CDK14: variants seen among roughly 807,000 people sequenced by gnomAD.
CDK14 encodes the protein cyclin dependent kinase 14.
A neutral mutation model predicts 60.7 loss-of-function variants in CDK14; 34 were observed. The ratio of observed to expected loss-of-function variants is 0.56; its 90% CI spans 0.43 to 0.75. CDK14 has a LOEUF of 0.75. CDK14 is among the 30% of genes least tolerant of loss of function. CDK14 has a pLI of 0.00. For synonymous variants in CDK14, 197 were observed against 203.7 expected (o/e 0.97, Z 0.28); for missense variants, 482 against 564.1 (o/e 0.85, Z 1.47).
intron 2 of CDK14, among the ~76,000 whole-genome samples, chr7:90,699,585 G>A (rs1341180244): frequency 6.6e-6 from 1 of 152,172 alleles, no homozygotes; most frequent in Non-Finnish European, 1.5e-5. Flanking sequence ...GTGCCCCAGT[G>A]CACCTGTTTA....
At chr7:91,187,783 T>C (rs1584191679) in intron 14 of CDK14, among the ~76,000 whole-genome samples, 1 of 152,312 alleles carries the variant, frequency 6.6e-6, no homozygotes, top group East Asian at 1.9e-4. Flanking sequence ...GGTCCACAGA[T>C]TGGTTCGACC....
intron 8 of CDK14, 77 bp from the exon 9 acceptor site, chr7:90,955,620 A>C (rs933623066): frequency 1.3e-6 from 2 of 1,546,082 alleles, no homozygotes; most frequent in African/African-American, 2.7e-5. Flanking sequence ...GACCTTTAAG[A>C]ATGTGAACGT....
chr7:91,112,853 G>GGAGAGAGA (rs56973703), intron 13 of CDK14, among the ~76,000 whole-genome samples, 172 bp downstream of exon 13: 5 of 148,566 alleles, frequency 3.4e-5, no homozygotes, highest in East Asian at 2.0e-4. Context: ...GTGTATGTGT[G>GGAGAGAGA]GAGAGAGAGA....
intron 14 of CDK14, among the ~76,000 whole-genome samples, chr7:91,125,120 G>A (rs940481588): frequency 5.9e-5 from 9 of 152,076 alleles, no homozygotes; most frequent in African/African-American, 1.7e-4. Context: ...TGACAATGTC[G>A]AGAAGGAAAG....
chr7:90,731,712 G>T (rs1051039563), intron 3 of CDK14, among the ~76,000 whole-genome samples: 1 of 152,306 alleles, frequency 6.6e-6, no homozygotes, highest in African/African-American at 2.4e-5. Flanking sequence ...CTTTGTTGAA[G>T]TTGCTTATCA....
At chr7:90,890,181 C>A (rs1031363965) in intron 6 of CDK14, among the ~76,000 whole-genome samples, 1 of 152,138 alleles carries the variant, frequency 6.6e-6, no homozygotes, top group Non-Finnish European at 1.5e-5. Context: ...GAGACTAGCC[C>A]GGACAACATA....
At chr7:90,887,249 T>C (rs1376400555) in intron 6 of CDK14, among the ~76,000 whole-genome samples, 1 of 152,194 alleles carries the variant, frequency 6.6e-6, no homozygotes, top group Non-Finnish European at 1.5e-5. Flanking sequence ...AAAAATAATG[T>C]TGGTGTGATC....
chr7:91,094,206 T>G (rs1798913606), intron 12 of CDK14, among the ~76,000 whole-genome samples: 1 of 152,120 alleles, frequency 6.6e-6, no homozygotes, highest in South Asian at 2.1e-4. Context: ...AAATAAAAAT[T>G]ATGAGACCTT....
At chr7:90,782,481 T>C (rs1203120372) in intron 4 of CDK14, among the ~76,000 whole-genome samples, 1 of 152,164 alleles carries the variant, frequency 6.6e-6, no homozygotes, top group Non-Finnish European at 1.5e-5. Context: ...AAATTGCAGG[T>C]ATTATTTTAC....
At chr7:90,759,054 T>TG (rs1554330865) in intron 4 of CDK14, among the ~76,000 whole-genome samples, 1 of 134,722 alleles carries the variant, frequency 7.4e-6, no homozygotes, top group African/African-American at 2.8e-5. Context: ...AGACTCTGTC[T>TG]AAAAAAAAAA....
chr7:91,048,638 A>G (rs780759963), intron 11 of CDK14, among the ~76,000 whole-genome samples: 1 of 152,196 alleles, frequency 6.6e-6, no homozygotes, highest in South Asian at 2.1e-4. Flanking sequence ...ATACAGGAGA[A>G]TACTTCTTCC....
intron 11 of CDK14, among the ~76,000 whole-genome samples, chr7:91,075,207 A>T (rs1798265033): frequency 6.6e-6 from 1 of 152,252 alleles, no homozygotes; most frequent in African/African-American, 2.4e-5. Flanking sequence ...ACTTCAGGCC[A>T]ATATCCTTGA....
At chr7:90,619,971 G>A (rs918379350) in intron 2 of CDK14, among the ~76,000 whole-genome samples, 8 of 152,150 alleles carry the variant, frequency 5.3e-5, no homozygotes, top group African/African-American at 1.7e-4. Flanking sequence ...ACTCCAGCCT[G>A]GGTGACAGAG....
chr7:90,730,609 A>T (rs932361565), intron 3 of CDK14, among the ~76,000 whole-genome samples: 2 of 152,196 alleles, frequency 1.3e-5, no homozygotes, highest in African/African-American at 4.8e-5. Context: ...CTGACCAGTG[A>T]TGATGAGCTT....
At chr7:90,979,774 G>A (rs1034841479) in intron 9 of CDK14, 5 of 152,176 alleles carry the variant, frequency 3.3e-5, no homozygotes, top group African/African-American at 1.2e-4. Context: ...AGACTTAATT[G>A]AAGATTATAC....
chr7:90,891,648 G>A (rs981203632), intron 6 of CDK14, among the ~76,000 whole-genome samples: 9 of 152,214 alleles, frequency 5.9e-5, no homozygotes, highest in African/African-American at 2.2e-4. Flanking sequence ...TTCAAGAGAG[G>A]ATTTCTGTTG....
intron 4 of CDK14, among the ~76,000 whole-genome samples, chr7:90,753,666 G>A (rs1353001957): frequency 2.0e-5 from 3 of 152,050 alleles, no homozygotes; most frequent in East Asian, 3.8e-4. Flanking sequence ...AGAAATAAAA[G>A]GCATCCAAAT....
chr7:90,652,655 G>A lies in CDK14; in HGVS notation c.123+48406G>A, dbSNP rs560425003. Among the ~76,000 whole-genome samples, 3 of 152,308 alleles carry A rather than the reference G, an allele frequency of 2.0e-5. No homozygotes were observed. The East Asian group carries it at 5.8e-4, about 29-fold the overall frequency. ...ACTGTATTTAAATATGTGTTGTGGG[G>A]CAGATAATAATGGTACTTCCTGTAC... On this transcript the variant is annotated intron_variant, in intron 2 of 14. Coordinates refer to ENST00000380050, the MANE Select transcript of CDK14 (RefSeq NM_001287135.2).
intron 3 of CDK14, among the ~76,000 whole-genome samples, chr7:90,728,531 C>A (rs1802725890): frequency 6.6e-6 from 1 of 151,782 alleles, no homozygotes; most frequent in Admixed American, 6.6e-5. Flanking sequence ...TAAAAAGTAT[C>A]CTGTTCTATT....
Sources: allele counts gnomAD v4.1 joint callset (sites outside exome capture counted in the v4.1 genomes callset), GRCh38; gene constraint gnomAD v4.1.1; transcripts MANE v1.5; gene names NCBI Gene and HGNC (gene_info 2026-07-23, HGNC 2026-07-21).